Variants in RCOR3 observed in about 807,000 individuals in gnomAD.
RCOR3 encodes the protein REST corepressor 3.
In RCOR3, 13 loss-of-function variants were observed where a neutral mutation model predicts 64.1. The ratio of observed to expected loss-of-function variants is 0.20; its 90% CI spans 0.13 to 0.32. The LOEUF is 0.32. RCOR3 is among the 10% of genes least tolerant of loss of function. RCOR3 has a pLI of 1.00. For missense variants in RCOR3, 489 were observed against 701.2 expected (o/e 0.70, Z 3.42); for synonymous variants, 215 against 239.0 (o/e 0.90, Z 0.93).
intron 3 of RCOR3, among the ~76,000 whole-genome samples, chr1:211,272,616 T>TTTTTG (rs1696377375): frequency 1.1e-5 from 1 of 94,222 alleles, no homozygotes; most frequent in Non-Finnish European, 2.2e-5. Context: ...GTCTTACTTT[T>TTTTTG]TTTTTTTTTT....
At chr1:211,288,472 TATAA>T (rs1383800598) in intron 7 of RCOR3, among the ~76,000 whole-genome samples, 5 of 140,242 alleles carry the variant, frequency 3.6e-5, no homozygotes, top group Admixed American at 1.5e-4. Flanking sequence ...ACATTTTATT[TATAA>T]ATAAATTTAT....
Position 211,313,121 on chromosome 1 carries a change from A to T in RCOR3, c.1317+160A>T, listed in dbSNP as rs1235066712. 1.3e-6 allele frequency: 2 copies of T among 1,503,904 alleles called. No individual in the cohort carries two copies. Among genetic ancestry groups the T allele is most frequent in the Non-Finnish European group, 1.8e-6 (2 of 1,135,118 alleles). 93.2% of individuals were successfully genotyped at this position (1,503,904 alleles called of 1,614,324 possible). On this transcript the variant is annotated intron_variant, in intron 11 of 11. Transcript: ENST00000419091. The surrounding 1 kb of genome is among the most constrained non-coding windows in gnomAD (Gnocchi z 4.7). ...GCATCTCTCGTGACTCTTAAGTCAT[A>T]ATGACATGCTAAGTTCTGATTCTAG... is the stretch of plus-strand genomic sequence containing the variant.
chr1:211,276,186 G>T, intron 4 of RCOR3, 71 bp from the exon 5 acceptor site: 1 of 1,395,756 alleles, frequency 7.2e-7, no homozygotes, highest in Non-Finnish European at 9.9e-7. Context: ...AATCTAATTT[G>T]TGTTTAACTT....
At chr1:211,279,469 C>A (rs1260817981) in intron 7 of RCOR3, among the ~76,000 whole-genome samples, 153 bp downstream of exon 7, 1 of 152,114 alleles carries the variant, frequency 6.6e-6, no homozygotes, top group Non-Finnish European at 1.5e-5. Context: ...ACCTAGAACC[C>A]CAGTTAACCA....
intron 7 of RCOR3, among the ~76,000 whole-genome samples, chr1:211,282,053 ATGTATATATGTATG>A (rs1200770466): frequency 2.6e-5 from 4 of 152,320 alleles, no homozygotes; most frequent in Admixed American, 6.5e-5. Context: ...AAATATATGT[ATGTATATATGTATG>A]TGTATATATG....
At chr1:211,285,344 G>T (rs1461748957) in intron 7 of RCOR3, among the ~76,000 whole-genome samples, 2 of 152,204 alleles carry the variant, frequency 1.3e-5, no homozygotes, top group African/African-American at 4.8e-5. Flanking sequence ...CTAGCTGTAG[G>T]TTGGAGCAAT....
chr1:211,273,820 G>A (rs148279334), intron 3 of RCOR3, among the ~76,000 whole-genome samples: 1,843 of 152,168 alleles, frequency 0.012, 15 homozygotes, highest in Middle Eastern at 0.071. Flanking sequence ...GGATCAACTC[G>A]AAATATGTGA....
intron 7 of RCOR3, among the ~76,000 whole-genome samples, chr1:211,286,318 T>C (rs905136043): frequency 6.6e-6 from 1 of 151,150 alleles, no homozygotes; most frequent in African/African-American, 2.4e-5. Context: ...TTTTCTTTTT[T>C]TTTTTTTTTG....
At chr1:211,271,058 C>T (rs1037420068) in intron 2 of RCOR3, among the ~76,000 whole-genome samples, 174 bp from the exon 3 acceptor site, 1 of 152,106 alleles carries the variant, frequency 6.6e-6, no homozygotes, top group Non-Finnish European at 1.5e-5. Flanking sequence ...GGGGTTTCAC[C>T]ATGTTAGCCA....
intron 8 of RCOR3, among the ~76,000 whole-genome samples, chr1:211,293,883 C>G (rs1316332102): frequency 1.3e-5 from 2 of 152,158 alleles, no homozygotes; most frequent in Non-Finnish European, 2.9e-5. Flanking sequence ...AGTAAACAAT[C>G]CTAACCCTTA....
In RCOR3 at chr1:211,262,779, C is replaced by A. The variant is rs956520839; in HGVS notation, c.223+2615C>A. ...CAAATTTCAAAATTTTGAGAATAAT[C>A]ACTTAAACAGAATAATATTAATGTG... On this transcript the variant is annotated intron_variant, in intron 2 of 11. Transcript: ENST00000419091. 2.8e-4 allele frequency among the ~76,000 whole-genome samples: 42 copies of A among 149,164 alleles called. 1 individual carries two copies. The highest frequency in any genetic ancestry group is 2.6e-3 in the Admixed American group (39 of 15,000).
intron 7 of RCOR3, among the ~76,000 whole-genome samples, chr1:211,280,826 A>T (rs1697687578): frequency 6.6e-6 from 1 of 152,140 alleles, no homozygotes; most frequent in Non-Finnish European, 1.5e-5. Flanking sequence ...TCTACTAAAA[A>T]TACAAAATTA....
intron 9 of RCOR3, 194 bp from the exon 10 acceptor site, chr1:211,303,889 C>T (rs2102642922): frequency 7.2e-6 from 3 of 415,796 alleles, no homozygotes; most frequent in East Asian, 3.8e-5. Context: ...GGTACATTTC[C>T]CTTTCATTAT....
intron 3 of RCOR3, among the ~76,000 whole-genome samples, chr1:211,273,700 A>G (rs1236907840): frequency 6.6e-6 from 1 of 152,218 alleles, no homozygotes; most frequent in African/African-American, 2.4e-5. Flanking sequence ...GAAGAGCTGA[A>G]GAAAATTTAG....
intron 8 of RCOR3, among the ~76,000 whole-genome samples, chr1:211,292,270 A>G (rs1465481871): frequency 2.6e-5 from 4 of 152,242 alleles, no homozygotes; most frequent in Non-Finnish European, 5.9e-5. Flanking sequence ...CCTCACCACT[A>G]TACCACCAAC....
chr1:211,274,170 A>G (rs537584960), intron 3 of RCOR3, 40 bp from the exon 4 acceptor site: 2 of 1,354,798 alleles, frequency 1.5e-6, no homozygotes, highest in African/African-American at 2.9e-5. Flanking sequence ...TAAATGAAGT[A>G]AATGAGAATA....
At chr1:211,262,062 A>G in intron 2 of RCOR3, among the ~76,000 whole-genome samples, 1 of 29,658 alleles carries the variant, frequency 3.4e-5, no homozygotes. Flanking sequence ...TTTTGAGGTG[A>G]AGTCTTACTC....
intron 9 of RCOR3, among the ~76,000 whole-genome samples, chr1:211,299,462 C>T (rs969971245): frequency 2.0e-5 from 3 of 152,092 alleles, no homozygotes; most frequent in Admixed American, 1.3e-4. Flanking sequence ...TGTAAATTCC[C>T]CATCTATAGT....
chr1:211,286,230 C>G (rs991564056), intron 7 of RCOR3, among the ~76,000 whole-genome samples: 16 of 151,408 alleles, frequency 1.1e-4, no homozygotes, highest in Non-Finnish European at 2.1e-4. Flanking sequence ...CATTCGTGTC[C>G]TATTTTTGGG....
Sources: allele counts gnomAD v4.1 joint callset (sites outside exome capture counted in the v4.1 genomes callset), GRCh38; gene constraint gnomAD v4.1.1; non-coding constraint Gnocchi (gnomAD v3.1); transcripts MANE v1.5; gene names NCBI Gene and HGNC (gene_info 2026-07-23, HGNC 2026-07-21).